Variants in BMPER observed in about 807,000 individuals in gnomAD.
BMPER encodes the protein BMP binding endothelial regulator.
Under a neutral mutation model 87.3 loss-of-function variants are expected in BMPER, and 45 were observed. The ratio of observed to expected loss-of-function variants is 0.52; its 90% CI spans 0.41 to 0.66. The LOEUF (loss-of-function observed/expected upper bound fraction) is 0.66, where lower values mean the gene tolerates loss of function less well. Ranked by LOEUF, BMPER falls within the 30% of genes least tolerant of loss-of-function variation. The pLI is 0.00. For synonymous variants in BMPER, 326 were observed against 316.2 expected, an observed-to-expected ratio of 1.03 and a Z score of -0.33; for missense variants, 784 against 867.5, an observed-to-expected ratio of 0.90 and a Z score of 1.21.
At chr7:34,083,598 A>G (rs1159789164) in intron 12 of BMPER, among the ~76,000 whole-genome samples, 1 of 152,194 alleles carries the variant, frequency 6.6e-6, no homozygotes, top group Non-Finnish European at 1.5e-5. Flanking sequence ...TCTTTGAAGT[A>G]ACTCTTGTGG....
chr7:34,113,470 A>ACTTAT, intron 13 of BMPER, among the ~76,000 whole-genome samples: 1 of 149,716 alleles, frequency 6.7e-6, no homozygotes, highest in South Asian at 2.1e-4. Context: ...TTACAGTTTC[A>ACTTAT]TTTATTTTAT....
At position 33,906,884 on chromosome 7, in the gene BMPER, G is replaced by A; in HGVS notation, c.200G>A (p.Cys67Tyr). Residue 67 changes from cysteine (C) to tyrosine (Y), a missense_variant, in exon 2 of 15, where the codon TGC (cysteine) becomes TAC (tyrosine). Cys to Tyr is a radical substitution (Grantham distance 194). Transcript: ENST00000649409. ...ATTCCATTTATCACAGACAACCCTT[G>A]CATAATGTGTGTCTGCTTGGTAAGT... ...LQIPFITDNPCIMCVCLNKEV... is the reference protein window; with the variant it reads ...LQIPFITDNPYIMCVCLNKEV... The A allele has an allele frequency of 6.2e-7, 1 of 1,613,498 alleles. No homozygotes were observed. Among genetic ancestry groups the A allele is most frequent in the East Asian group, 2.2e-5 (1 of 44,838 alleles).
intron 13 of BMPER, among the ~76,000 whole-genome samples, chr7:34,141,588 C>A (rs1484341527): frequency 1.1e-5 from 1 of 91,086 alleles, no homozygotes; most frequent in Admixed American, 1.8e-4. Flanking sequence ...CCAGCCTGGG[C>A]AACAAGAGTG....
chr7:34,084,250 G>A (rs1585815098), intron 12 of BMPER, among the ~76,000 whole-genome samples: 1 of 152,304 alleles, frequency 6.6e-6, no homozygotes, highest in East Asian at 1.9e-4. Flanking sequence ...GCAGTTAGCT[G>A]AGATCGCACC....
intron 6 of BMPER, among the ~76,000 whole-genome samples, chr7:33,977,373 G>A (rs554809575): frequency 6.6e-6 from 1 of 152,308 alleles, no homozygotes; most frequent in African/African-American, 2.4e-5. Flanking sequence ...CCAAATGCAT[G>A]GCCTGGAGGC....
chr7:34,060,554 A>G (rs1788410148), intron 10 of BMPER, among the ~76,000 whole-genome samples: 1 of 152,252 alleles, frequency 6.6e-6, no homozygotes. Context: ...AAAGCCTTTA[A>G]TGTATCATTT....
chr7:33,937,361 A>G lies in BMPER; in HGVS notation c.292A>G (p.Arg98Gly). Residue 98 changes from arginine to glycine, a missense_variant, in exon 3 of 15, where the codon AGG becomes GGG. Physicochemically the swap from Arg to Gly is moderately radical, Grantham distance 125. Transcript: ENST00000649409. ...AGACTGTGCCCTGGCCATCAAGCAGAGGGGAGCCTGTTGTGAACAGTGCAA... is the reference window on the plus strand; with the variant it reads ...AGACTGTGCCCTGGCCATCAAGCAGGGGGGAGCCTGTTGTGAACAGTGCAA... Reference protein sequence around the residue: ...SRDCALAIKQRGACCEQCKGC... With the variant: ...SRDCALAIKQGGACCEQCKGC... 6.2e-7 allele frequency: 1 copy of G among 1,614,128 alleles called. No homozygotes were observed. Among genetic ancestry groups the G allele is most frequent in the East Asian group, 2.2e-5 (1 of 44,876 alleles).
upstream of BMPER, chr7:33,905,429 CTTG>C (rs1783782430): frequency 4.2e-4 from 76 of 181,488 alleles, 2 homozygotes; most frequent in South Asian, 9.2e-4. Context: ...GCCCCCACAC[CTTG>C]GTCTCTCCCC....
chr7:33,933,545 AT>A (rs1784530220), intron 2 of BMPER, among the ~76,000 whole-genome samples: 1 of 146,448 alleles, frequency 6.8e-6, no homozygotes, highest in Non-Finnish European at 1.5e-5. Flanking sequence ...TCAAGCTGGG[AT>A]TTGGGGAAAA....
At chr7:34,055,453 T>TACTG in intron 9 of BMPER, 150 bp downstream of exon 9, 5 of 982,796 alleles carry the variant, frequency 5.1e-6, no homozygotes, top group Middle Eastern at 6.4e-4. Context: ...TGTATTTATA[T>TACTG]TACAGTATTA....
intron 13 of BMPER, among the ~76,000 whole-genome samples, chr7:34,139,986 G>A (rs1790821850): frequency 6.6e-6 from 1 of 151,946 alleles, no homozygotes; most frequent in Non-Finnish European, 1.5e-5. Context: ...CCTTTCTCTG[G>A]GCTGTGTATA....
intron 13 of BMPER, among the ~76,000 whole-genome samples, chr7:34,129,603 A>AAG (rs1790504969): frequency 8.7e-6 from 1 of 114,856 alleles, no homozygotes; most frequent in Non-Finnish European, 1.8e-5. Flanking sequence ...AGAGAGAGAG[A>AAG]GAGAGAAAGA....
chr7:34,029,825 T>C (rs1438430817), intron 6 of BMPER, among the ~76,000 whole-genome samples: 1 of 152,058 alleles, frequency 6.6e-6, no homozygotes, highest in Non-Finnish European at 1.5e-5. Flanking sequence ...AAACCACATG[T>C]CCCACATAAT....
At chr7:33,905,814 G>A (rs1251571503) in intron 1 of BMPER, 68 bp downstream of exon 1, 4 of 1,427,076 alleles carry the variant, frequency 2.8e-6, no homozygotes, top group Admixed American at 3.5e-5. Flanking sequence ...AGGTGGCGCT[G>A]GCTTGCCCCG....
intron 12 of BMPER, 115 bp from the exon 13 acceptor site, chr7:34,085,641 G>T: frequency 2.0e-6 from 2 of 1,000,450 alleles, no homozygotes; most frequent in Non-Finnish European, 1.5e-6. Context: ...ACCAACCCTT[G>T]GTGCTCCTTA....
chr7:34,000,656 G>C (rs1190552900), intron 6 of BMPER, among the ~76,000 whole-genome samples: 1 of 152,062 alleles, frequency 6.6e-6, no homozygotes, highest in Non-Finnish European at 1.5e-5. Flanking sequence ...TCTAGGTGAA[G>C]GACATTTGGG....
At chr7:34,105,504 G>A (rs1444405794) in intron 13 of BMPER, among the ~76,000 whole-genome samples, 1 of 152,224 alleles carries the variant, frequency 6.6e-6, no homozygotes, top group Admixed American at 6.5e-5. Flanking sequence ...TAGAGGGCCA[G>A]TCAGGGATAT....
intron 3 of BMPER, among the ~76,000 whole-genome samples, chr7:33,938,852 C>T (rs1457315001): frequency 6.6e-6 from 1 of 152,024 alleles, no homozygotes; most frequent in Admixed American, 6.6e-5. Context: ...ATGATGAAAC[C>T]CTGTCTCTAC....
intron 13 of BMPER, among the ~76,000 whole-genome samples, chr7:34,141,043 G>A (rs913152198): frequency 4.6e-5 from 7 of 152,270 alleles, no homozygotes; most frequent in African/African-American, 1.7e-4. Context: ...TAGAACCTGG[G>A]GCAGCCGAAA....
Sources: gnomAD v4.1 joint callset for allele counts (sites outside exome capture counted in the v4.1 genomes callset) on GRCh38, gnomAD v4.1.1 for gene constraint, MANE v1.5 for transcripts, NCBI Gene and HGNC (gene_info 2026-07-23, HGNC 2026-07-21) for gene names.